AKAP8: variants seen among roughly 807,000 people sequenced by gnomAD.
AKAP8 encodes the protein A-kinase anchor protein 8.
In AKAP8, 24 loss-of-function variants were observed where a neutral mutation model predicts 67.5. The observed-to-expected ratio is 0.36, with a 90% CI of 0.26 to 0.50. The LOEUF is 0.50. AKAP8 is among the 20% of genes least tolerant of loss of function. AKAP8 has a pLI of 0.97. For missense variants in AKAP8, 971 were observed against 955.9 expected, an observed-to-expected ratio of 1.02 and a Z score of -0.21; for synonymous variants, 400 against 371.1, an observed-to-expected ratio of 1.08 and a Z score of -0.90.
chr19:15,358,046 T>C (rs1482417850), intron 13 of AKAP8, among the ~76,000 whole-genome samples: 1 of 152,148 alleles, frequency 6.6e-6, no homozygotes, highest in Non-Finnish European at 1.5e-5. Flanking sequence ...CTGTCAAATA[T>C]GGAAGTGTTT....
rs1404149618 is a variant in AKAP8 at position 15,373,595 on chromosome 19, C to G, written c.371+191G>C. The stretch of plus-strand genomic sequence containing the variant: ...GGGGAGCTTAGCCAACAACCACGCC[C>G]AAGCCCCGCCATGAAGAAAAGCAAG... On this transcript the variant is annotated intron_variant, in intron 4 of 13. Transcript: ENST00000269701. 3 of 930,472 alleles carry G rather than the reference C, an allele frequency of 3.2e-6. No individual in the cohort carries two copies. In the East Asian group the frequency reaches 8.0e-5, roughly 25 times the overall value. The allele number at this position is 930,472 out of a possible 1,614,324, so 57.6% of individuals were successfully genotyped here. A position where few individuals can be genotyped will look rare whatever the true frequency, so the allele number is the denominator to read the frequency against.
chr19:15,370,086 A>T, intron 8 of AKAP8, 60 bp downstream of exon 8: 1 of 1,602,502 alleles, frequency 6.2e-7, no homozygotes, highest in South Asian at 1.1e-5. Context: ...GAAGCTGGGC[A>T]GTAAGTGCGG....
intron 9 of AKAP8, among the ~76,000 whole-genome samples, chr19:15,366,588 G>A (rs1352876664): frequency 2.0e-5 from 3 of 151,486 alleles, no homozygotes; most frequent in Admixed American, 6.6e-5. Context: ...CTGGAGTGCA[G>A]TAGCACAATC....
intron 10 of AKAP8, 22 bp from the exon 11 acceptor site, chr19:15,361,844 A>T: frequency 6.3e-7 from 1 of 1,597,518 alleles, no homozygotes; most frequent in South Asian, 1.1e-5. Context: ...TGGAGAGGGC[A>T]TAAAGTAAAA....
Position 15,373,772 on chromosome 19 carries a change from G to C in AKAP8, c.371+14C>G. ...TGTGTGGGGTCCCGGGGGAGGGCTT[G>C]GGTCCATAATCACCTCTCCCGGTCC... On this transcript the variant is annotated intron_variant, in intron 4 of 13. Transcript: ENST00000269701. 1.2e-6 allele frequency: 2 copies of C among 1,600,536 alleles called. No individual in the cohort carries two copies. The highest frequency in any genetic ancestry group is 1.7e-6 in the Non-Finnish European group (2 of 1,176,838).
intron 7 of AKAP8, 85 bp from the exon 8 acceptor site, chr19:15,370,264 G>C: frequency 6.6e-7 from 1 of 1,505,018 alleles, no homozygotes; most frequent in Non-Finnish European, 9.2e-7. Flanking sequence ...CCACTGCCTG[G>C]TGGGCAGTCT....
At chr19:15,376,135 G>C (rs1967248850) in intron 2 of AKAP8, among the ~76,000 whole-genome samples, 1 of 151,808 alleles carries the variant, frequency 6.6e-6, no homozygotes, top group South Asian at 2.1e-4. Flanking sequence ...TTGAGCTCGG[G>C]TCTCGAACTC....
chr19:15,362,121 C>T lies in AKAP8; in HGVS notation c.1291G>A (p.Glu431Lys). 1 of 1,614,056 alleles carries T rather than the reference C, an allele frequency of 6.2e-7. No individual in the cohort carries two copies. Among genetic ancestry groups the T allele is most frequent in the Non-Finnish European group, 8.5e-7 (1 of 1,179,942 alleles). Residue 431 changes from glutamate to lysine, a missense_variant, in exon 10 of 14, where the codon GAG (glutamate) becomes AAG (lysine). Physicochemically the swap from Glu to Lys is moderately conservative, Grantham distance 56 (BLOSUM62 1). This residue lies in a region of AKAP8 where 763 missense variants were observed against 745.4 expected (regional missense o/e 1.02). Coordinates refer to ENST00000269701, the MANE Select transcript of AKAP8 (RefSeq NM_005858.4). The stretch of plus-strand genomic sequence containing the variant: ...CAGGTTTCCTTTACCTGGAGGAACT[C>T]CACGGTCTTGTCGGGCAGCTTGGTG... ...ISTKLPDKTV[E>K]FLQEYIVNRN...
chr19:15,377,098 T>A, intron 1 of AKAP8, 84 bp from the exon 2 acceptor site: 4 of 1,485,458 alleles, frequency 2.7e-6, no homozygotes, highest in Non-Finnish European at 2.8e-6. Flanking sequence ...AGGGATCTCC[T>A]TACAGTTCAG....
rs1052603693 is a variant in AKAP8 at position 15,374,401 on chromosome 19, C to T, written c.91+202G>A. Reference sequence around the variant, plus strand: ...GCTGCTCCCAAAGCACGGTCGCAGTCCTCCCCATCATGCTCCCCTGAGGCC... The same window carrying T: ...GCTGCTCCCAAAGCACGGTCGCAGTTCTCCCCATCATGCTCCCCTGAGGCC... On this transcript the variant is annotated intron_variant, in intron 3 of 13. Transcript: ENST00000269701. Among the ~76,000 whole-genome samples, 11 of 152,232 alleles carry T rather than the reference C, an allele frequency of 7.2e-5. 1 individual carries two copies. The highest frequency in any genetic ancestry group is 2.9e-5 in the Non-Finnish European group (2 of 68,040).
intron 1 of AKAP8, chr19:15,379,425 G>A (rs910691743): frequency 4.9e-6 from 2 of 406,372 alleles, no homozygotes; most frequent in Non-Finnish European, 4.3e-6. Flanking sequence ...GGCAAAAACG[G>A]CCCACACTGT....
In AKAP8 at chr19:15,361,808, G is replaced by C; in HGVS notation, c.1317C>G (p.Asn439Lys). Reference sequence around the variant, plus strand: ...GCCGCTTCTCAATTTTCTTATTTCTGTTTACAATGTATTCCTAGGTGGGAT... The same window carrying C: ...GCCGCTTCTCAATTTTCTTATTTCTCTTTACAATGTATTCCTAGGTGGGAT... Reference protein sequence around the residue: ...TVEFLQEYIVNRNKKIEKRRQ... With the variant: ...TVEFLQEYIVKRNKKIEKRRQ... Residue 439 changes from asparagine to lysine, a missense_variant, in exon 11 of 14, where the codon AAC becomes AAG. Asn to Lys is a moderately conservative substitution (Grantham distance 94). Coordinates refer to ENST00000269701, the MANE Select transcript of AKAP8 (RefSeq NM_005858.4). 6.2e-7 allele frequency: 1 copy of C among 1,613,880 alleles called. No homozygotes were observed. Among genetic ancestry groups the C allele is most frequent in the South Asian group, 1.1e-5 (1 of 91,070 alleles).
intron 7 of AKAP8, among the ~76,000 whole-genome samples, chr19:15,370,759 G>A (rs1967142695): frequency 6.7e-6 from 1 of 149,946 alleles, no homozygotes; most frequent in Non-Finnish European, 1.5e-5. Context: ...AGCCTCCCGA[G>A]TAGCTGGGAC....
Position 15,370,060 on chromosome 19 carries a change from G to A in AKAP8, c.1072+86C>T, listed in dbSNP as rs969094832. On this transcript the variant is annotated intron_variant, in intron 8 of 13. Coordinates refer to ENST00000269701, the MANE Select transcript of AKAP8 (RefSeq NM_005858.4). ...CACAGCCACGGGCCCCTCCATCCAG[G>A]CCCCTGGCTTGCTCAGAAGCTGGGC... 5.8e-6 allele frequency: 9 copies of A among 1,545,834 alleles called. No homozygotes were observed. The African/African-American group carries it at 1.1e-4, about 19-fold the overall frequency.
chr19:15,369,045 G>A lies in AKAP8; in HGVS notation c.1073-723C>T. ...CGGACGCTGAAAAAAGGTTGGAGAA[G>A]CATCTGAACTGTAACCCCTACCCCT... On this transcript the variant is annotated intron_variant, in intron 8 of 13. Coordinates refer to ENST00000269701, the MANE Select transcript of AKAP8 (RefSeq NM_005858.4). This position sits in a 1 kb window ranked among gnomAD's most constrained non-coding sequence, Gnocchi z 4.6. 1 of 985,738 alleles carries A rather than the reference G, an allele frequency of 1.0e-6. No individual in the cohort carries two copies. Among genetic ancestry groups the A allele is most frequent in the Non-Finnish European group, 1.2e-6 (1 of 830,208 alleles). The allele number at this position is 985,738 out of a possible 1,614,324, so 61.1% of individuals were successfully genotyped here.
intron 12 of AKAP8, among the ~76,000 whole-genome samples, chr19:15,359,425 A>ACG (rs1966928860): frequency 6.6e-6 from 1 of 152,254 alleles, no homozygotes; most frequent in Non-Finnish European, 1.5e-5. Context: ...GTTCAACAAC[A>ACG]AAAGTATGAA....
chr19:15,366,148 C>CAAAAAGAAAAAAAAAAAAAAAAAAA (rs1967065823), intron 9 of AKAP8, among the ~76,000 whole-genome samples: 1 of 18,752 alleles, frequency 5.3e-5, no homozygotes, highest in Non-Finnish European at 9.4e-5. Flanking sequence ...GAAAAAAAAG[C>CAAAAAGAAAAAAAAAAAAAAAAAAA]AAAAAGAAAA....
intron 11 of AKAP8, 140 bp downstream of exon 11, chr19:15,361,589 T>C (rs1755292157): frequency 3.0e-6 from 2 of 663,860 alleles, no homozygotes. Context: ...CCTGACCTCA[T>C]GATCCGCCTG....
intron 1 of AKAP8, 58 bp downstream of exon 1, chr19:15,379,655 C>T: frequency 6.4e-7 from 1 of 1,567,978 alleles, no homozygotes; most frequent in Non-Finnish European, 8.6e-7. Context: ...TGCGCAGCGG[C>T]TGCGTCGCCC....
Sources: allele counts gnomAD v4.1 joint callset (sites outside exome capture counted in the v4.1 genomes callset), GRCh38; gene constraint gnomAD v4.1.1; regional missense constraint gnomAD v4.1.1; non-coding constraint Gnocchi (gnomAD v3.1); transcripts MANE v1.5; gene names NCBI Gene and HGNC (gene_info 2026-07-23, HGNC 2026-07-21).